The following NEFH variants were observed in gnomAD, a reference collection of about 807,000 sequenced individuals.
NEFH encodes neurofilament heavy polypeptide.
A neutral mutation model predicts 56.6 loss-of-function variants in NEFH; 58 were observed. The ratio of observed to expected loss-of-function variants is 1.03; its 90% CI spans 0.83 to 1.28. The LOEUF (loss-of-function observed/expected upper bound fraction) is 1.28. Ranked by LOEUF, NEFH falls within the 50% of genes most tolerant of loss-of-function variation. The probability of loss-of-function intolerance (pLI) is 0.00; values close to 1 mark genes in which losing one functional copy is unlikely to be tolerated. For synonymous variants in NEFH, 542 were observed against 545.8 expected (o/e 0.99, Z 0.10); for missense variants, 1,221 against 1,307.6 (o/e 0.93, Z 1.02).
chr22:29,482,432 T>G (rs367559466), intron 1 of NEFH, among the ~76,000 whole-genome samples: 65 of 152,274 alleles, frequency 4.3e-4, no homozygotes, highest in African/African-American at 1.5e-3. Context: ...GAAGGTTTCC[T>G]GGGAACCACG....
In NEFH at chr22:29,480,496, C is replaced by A; in HGVS notation, c.234C>A (p.Asp78Glu). The A allele has an allele frequency of 6.5e-7, 1 of 1,534,134 alleles. No individual in the cohort carries two copies. The highest frequency in any genetic ancestry group is 2.4e-5 in the East Asian group (1 of 40,940). ...CCGCCTCAAGCACCGACTCGCTGGA[C>A]ACGCTGAGCAACGGGCCGGAGGGCT... is the stretch of plus-strand genomic sequence containing the variant. ...AGAASSTDSL[D>E]TLSNGPEGCM... is the part of the protein sequence containing the mutation. Residue 78 changes from aspartate (D) to glutamate (E), a missense_variant, in exon 1 of 4, where the codon GAC becomes GAA. Physicochemically the swap from Asp to Glu is conservative, Grantham distance 45. This residue lies in a region of NEFH where 640 missense variants were observed against 555.5 expected (regional missense o/e 1.15). Coordinates refer to ENST00000310624, the MANE Select transcript of NEFH (RefSeq NM_021076.4).
In NEFH at chr22:29,490,002, C is replaced by A. The variant is rs1346622497; in HGVS notation, c.2362C>A (p.Pro788Thr). 25 of 1,613,216 alleles carry A rather than the reference C, an allele frequency of 1.5e-5. No homozygotes were observed. The Admixed American group carries it at 2.5e-4, about 16-fold the overall frequency. The change falls in exon 4 of 4, where the codon CCT becomes ACT. Residue 788 changes from proline to threonine, a missense_variant. Pro to Thr is a conservative substitution (Grantham distance 38). Coordinates refer to ENST00000310624, the MANE Select transcript of NEFH (RefSeq NM_021076.4). The stretch of plus-strand genomic sequence containing the variant: ...CAAATTCCCTGAAAAGGCCAAAAGC[C>A]CTGTCAAGGAGGAGGTCAAGTCCCC... ...ADKFPEKAKS[P>T]VKEEVKSPEK...
In NEFH at chr22:29,490,735, A is replaced by G; in HGVS notation, c.*32A>G. On this transcript the variant is annotated 3_prime_UTR_variant, in exon 4 of 4. Coordinates refer to ENST00000310624, the MANE Select transcript of NEFH (RefSeq NM_021076.4). ...GAGAAAGGAACATCCGGAACAGCCA[A>G]AGAAACTCAGAAGAGTCCCGGAGCT... 3 of 1,613,528 alleles carry G rather than the reference A, an allele frequency of 1.9e-6. No homozygotes were observed. The highest frequency in any genetic ancestry group is 2.2e-5 in the South Asian group (2 of 91,040).
At chr22:29,483,732 A>G (rs1308692274) in intron 2 of NEFH, among the ~76,000 whole-genome samples, 158 bp downstream of exon 2, 2 of 144,916 alleles carry the variant, frequency 1.4e-5, no homozygotes, top group East Asian at 2.0e-4. Flanking sequence ...TAGGAAAGTT[A>G]TCTAATTCTC....
chr22:29,481,182 G>GC, intron 1 of NEFH, 37 bp downstream of exon 1: 1 of 1,525,558 alleles, frequency 6.6e-7, no homozygotes, highest in Non-Finnish European at 8.8e-7. Flanking sequence ...GGGCGCCCCT[G>GC]CTGACCCCGC....
chr22:29,480,235 G>C lies in NEFH; in HGVS notation c.-28G>C. The C allele has an allele frequency of 2.0e-6, 3 of 1,494,984 alleles. No homozygotes were observed. The highest frequency in any genetic ancestry group is 1.3e-5 in the South Asian group (1 of 79,552). 92.6% of individuals were successfully genotyped at this position (1,494,984 alleles called of 1,614,324 possible). A position where few individuals can be genotyped will look rare whatever the true frequency, so the allele number is the denominator to read the frequency against. Reference sequence around the variant, plus strand: ...GTGCTGCCGCAGTGCCTCCCGCCCCGTCCCGGCCTCGCGCACCTGCTCAGG... The same window carrying C: ...GTGCTGCCGCAGTGCCTCCCGCCCCCTCCCGGCCTCGCGCACCTGCTCAGG... On this transcript the variant is annotated 5_prime_UTR_variant, in exon 1 of 4. Transcript: ENST00000310624.
chr22:29,486,921 G>T (rs775128058), intron 3 of NEFH, among the ~76,000 whole-genome samples: 2 of 152,182 alleles, frequency 1.3e-5, no homozygotes, highest in Non-Finnish European at 2.9e-5. Context: ...GGCCTGCTTT[G>T]AAGGGAAAAG....
chr22:29,483,062 T>C (rs1225125232), intron 1 of NEFH, among the ~76,000 whole-genome samples: 1 of 152,024 alleles, frequency 6.6e-6, no homozygotes, highest in Non-Finnish European at 1.5e-5. Flanking sequence ...GGGCGAATCA[T>C]GAGGTCAGGA....
chr22:29,483,515 C>T lies in NEFH; in HGVS notation c.1024C>T (p.Leu342=), dbSNP rs1296300360. 1 of 1,614,026 alleles carries T rather than the reference C, an allele frequency of 6.2e-7. No homozygotes were observed. Among genetic ancestry groups the T allele is most frequent in the Non-Finnish European group, 8.5e-7 (1 of 1,180,030 alleles). The change falls in exon 2 of 4, where the codon CTG becomes TTG. Residue 342 remains leucine (L), a synonymous_variant. Coordinates refer to ENST00000310624, the MANE Select transcript of NEFH (RefSeq NM_021076.4). The part of the protein sequence containing the change: ...LEALKSTKDS[L]ERQRSELEDR... ...GGCACTGAAAAGCACCAAGGACTCACTGGAGAGGCAGCGCTCTGAGCTGGA... is the reference window on the plus strand; with the variant it reads ...GGCACTGAAAAGCACCAAGGACTCATTGGAGAGGCAGCGCTCTGAGCTGGA...
In NEFH at chr22:29,483,509, G is replaced by A; in HGVS notation, c.1018G>A (p.Asp340Asn). 6.2e-7 allele frequency: 1 copy of A among 1,614,050 alleles called. No homozygotes were observed. Among genetic ancestry groups the A allele is most frequent in the African/African-American group, 1.3e-5 (1 of 75,064 alleles). ...TELEALKSTK[D>N]SLERQRSELE... ...GCTGGAGGCACTGAAAAGCACCAAG[G>A]ACTCACTGGAGAGGCAGCGCTCTGA... The change falls in exon 2 of 4, where the codon GAC (aspartate) becomes AAC (asparagine). Residue 340 changes from aspartate (D) to asparagine (N), a missense_variant. Physicochemically the swap from Asp to Asn is conservative, Grantham distance 23 (BLOSUM62 1). Transcript: ENST00000310624.
chr22:29,489,991 A>G lies in NEFH; in HGVS notation c.2351A>G (p.Lys784Arg). 1 of 1,613,774 alleles carries G rather than the reference A, an allele frequency of 6.2e-7. No individual in the cohort carries two copies. The highest frequency in any genetic ancestry group is 8.5e-7 in the Non-Finnish European group (1 of 1,179,942). Reference protein sequence around the residue: ...ARSPADKFPEKAKSPVKEEVK... With the variant: ...ARSPADKFPERAKSPVKEEVK... Reference sequence around the variant, plus strand: ...TCCCCTGCAGACAAATTCCCTGAAAAGGCCAAAAGCCCTGTCAAGGAGGAG... The same window carrying G: ...TCCCCTGCAGACAAATTCCCTGAAAGGGCCAAAAGCCCTGTCAAGGAGGAG... Residue 784 changes from lysine (K) to arginine (R), a missense_variant, in exon 4 of 4, where the codon AAG becomes AGG. Coordinates refer to ENST00000310624, the MANE Select transcript of NEFH (RefSeq NM_021076.4).
At chr22:29,483,734 C>G (rs1382278680) in intron 2 of NEFH, among the ~76,000 whole-genome samples, 160 bp downstream of exon 2, 1 of 123,314 alleles carries the variant, frequency 8.1e-6, no homozygotes, top group Admixed American at 9.9e-5. Context: ...GGAAAGTTAT[C>G]TAATTCTCTG....
chr22:29,491,158 A>T lies in NEFH; in HGVS notation c.*455A>T, dbSNP rs2063079544. 1 of 295,200 alleles carries T rather than the reference A, an allele frequency of 3.4e-6. No individual in the cohort carries two copies. The highest frequency in any genetic ancestry group is 6.5e-6 in the Non-Finnish European group (1 of 154,060). 18.3% of individuals were successfully genotyped at this position (295,200 alleles called of 1,614,324 possible). On this transcript the variant is annotated 3_prime_UTR_variant, in exon 4 of 4. Transcript: ENST00000310624. Reference sequence around the variant, plus strand: ...AAGGAGTGGTCAAGCCCTTGCCCAGAGCTCTCTATTCTGGAAGAGCGGTCC... The same window carrying T: ...AAGGAGTGGTCAAGCCCTTGCCCAGTGCTCTCTATTCTGGAAGAGCGGTCC...
At chr22:29,483,640 G>A in intron 2 of NEFH, 66 bp downstream of exon 2, 3 of 1,509,896 alleles carry the variant, frequency 2.0e-6, no homozygotes, top group East Asian at 2.3e-5. Context: ...ACAAGTTACT[G>A]TCCCTCACTG....
At position 29,481,021 on chromosome 22, in the gene NEFH, G is replaced by T. The variant is rs76208639; in HGVS notation, c.759G>T (p.Ala253=). ...TCCAGGGCTCCGGCGCCGCGCAGGC[G>T]CAGATGCAGGCCGAGACGCGCGACG... ...GQIQGSGAAQ[A]QMQAETRDAL... The change falls in exon 1 of 4, where the codon GCG becomes GCT. Residue 253 remains alanine, a synonymous_variant. Transcript: ENST00000310624. 18,144 of 1,531,424 alleles carry T rather than the reference G, an allele frequency of 0.012. 1,784 individuals carry two copies. In the African/African-American group the frequency reaches 0.22, roughly 18 times the overall value. The allele number at this position is 1,531,424 out of a possible 1,614,324, so 94.9% of individuals were successfully genotyped here.
chr22:29,490,263 G>A lies in NEFH; in HGVS notation c.2623G>A (p.Glu875Lys). The A allele has an allele frequency of 6.2e-7, 1 of 1,611,500 alleles. No homozygotes were observed. Among genetic ancestry groups the A allele is most frequent in the Non-Finnish European group, 8.5e-7 (1 of 1,178,552 alleles). The change falls in exon 4 of 4, where the codon GAG (glutamate) becomes AAG (lysine). Residue 875 changes from glutamate (E) to lysine (K), a missense_variant. By Grantham distance (56) the Glu-to-Lys change is moderately conservative. Transcript: ENST00000310624. ...PKKEAPKPKVEEKKEPAVEKP... is the reference protein window; with the variant it reads ...PKKEAPKPKVKEKKEPAVEKP... ...GAAGGAGGCTCCAAAGCCCAAGGTG[G>A]AGGAGAAGAAGGAACCTGCTGTCGA...
At chr22:29,486,519 C>CTTTTT (rs362163) in intron 3 of NEFH, among the ~76,000 whole-genome samples, 3 of 102,480 alleles carry the variant, frequency 2.9e-5, no homozygotes, top group Admixed American at 1.1e-4. Flanking sequence ...AGACATGAGT[C>CTTTTT]TTTTTTTTTT....
rs1255590208 is a variant in NEFH at position 29,481,020 on chromosome 22, C to T, written c.758C>T (p.Ala253Val). ...GQIQGSGAAQAQMQAETRDAL... is the reference protein window; with the variant it reads ...GQIQGSGAAQVQMQAETRDAL... Reference sequence around the variant, plus strand: ...ATCCAGGGCTCCGGCGCCGCGCAGGCGCAGATGCAGGCCGAGACGCGCGAC... The same window carrying T: ...ATCCAGGGCTCCGGCGCCGCGCAGGTGCAGATGCAGGCCGAGACGCGCGAC... Residue 253 changes from alanine to valine, a missense_variant, in exon 1 of 4, where the codon GCG becomes GTG. Coordinates refer to ENST00000310624, the MANE Select transcript of NEFH (RefSeq NM_021076.4). 6.5e-7 allele frequency: 1 copy of T among 1,531,632 alleles called. No homozygotes were observed. The highest frequency in any genetic ancestry group is 1.2e-5 in the South Asian group (1 of 83,850). 94.9% of individuals were successfully genotyped at this position (1,531,632 alleles called of 1,614,324 possible). A position where few individuals can be genotyped will look rare whatever the true frequency, so the allele number is the denominator to read the frequency against.
Position 29,485,815 on chromosome 22 carries a change from G to T in NEFH, c.1176G>T (p.Lys392Asn), listed in dbSNP as rs2063041061. The change falls in exon 3 of 4, where the codon AAG becomes AAT. Residue 392 changes from lysine to asparagine, a missense_variant. Lys to Asn is a moderately conservative substitution (Grantham distance 94). Around this residue, in one of 4 missense-constraint regions of NEFH, gnomAD observed 243 missense variants for 299.1 expected, o/e 0.81. Coordinates refer to ENST00000310624, the MANE Select transcript of NEFH (RefSeq NM_021076.4). ...LREYQDLLNVKMALDIEIAAY... is the reference protein window; with the variant it reads ...LREYQDLLNVNMALDIEIAAY... ...AATACCAGGACCTGCTCAATGTCAA[G>T]ATGGCTCTGGATATAGAGATAGCCG... The T allele has an allele frequency of 1.2e-6, 2 of 1,614,220 alleles. No individual in the cohort carries two copies. The highest frequency in any genetic ancestry group is 2.7e-5 in the African/African-American group (2 of 75,058).
Sources: gnomAD v4.1 joint callset for allele counts (sites outside exome capture counted in the v4.1 genomes callset) on GRCh38, gnomAD v4.1.1 for gene constraint, gnomAD v4.1.1 regional missense constraint, MANE v1.5 for transcripts, NCBI Gene and HGNC (gene_info 2026-07-23, HGNC 2026-07-21) for gene names.